CTNNA3: variants seen among roughly 807,000 people sequenced by gnomAD.
CTNNA3 encodes the protein catenin alpha 3.
In CTNNA3, 76 loss-of-function variants were observed where a neutral mutation model predicts 95.7. That is an observed-to-expected ratio of 0.79 (90% CI 0.66 to 0.96). CTNNA3 has a LOEUF of 0.96. Ranked by LOEUF, CTNNA3 falls within the 40% of genes least tolerant of loss-of-function variation. The pLI, the probability that CTNNA3 is intolerant of heterozygous loss-of-function variation, is 0.00. For missense variants in CTNNA3, 1,191 were observed against 1,089.8 expected (o/e 1.09, Z -1.31); for synonymous variants, 431 against 374.4 (o/e 1.15, Z -1.74).
intron 10 of CTNNA3, among the ~76,000 whole-genome samples, chr10:66,568,870 G>T (rs1314151982): frequency 1.3e-5 from 2 of 151,960 alleles, no homozygotes; most frequent in East Asian, 3.9e-4. Flanking sequence ...AACCTGGGAA[G>T]CGAAGTCTGC....
intron 7 of CTNNA3, among the ~76,000 whole-genome samples, chr10:67,116,553 T>G (rs1478304197): frequency 6.6e-6 from 1 of 151,618 alleles, no homozygotes; most frequent in Non-Finnish European, 1.5e-5. Context: ...AGCTCAGATA[T>G]CTGTGAGGGA....
chr10:66,506,667 T>C (rs1840460616), intron 11 of CTNNA3, among the ~76,000 whole-genome samples: 1 of 152,180 alleles, frequency 6.6e-6, no homozygotes, highest in African/African-American at 2.4e-5. Flanking sequence ...TTTTTCTTCA[T>C]TGTATTTTCT....
chr10:66,512,969 C>T (rs1564502492), intron 11 of CTNNA3, among the ~76,000 whole-genome samples: 1 of 151,806 alleles, frequency 6.6e-6, no homozygotes, highest in African/African-American at 2.4e-5. Context: ...ATTTGACTAT[C>T]ATGTGCCTCA....
intron 1 of CTNNA3, among the ~76,000 whole-genome samples, chr10:67,685,853 T>C (rs971744183): frequency 5.3e-5 from 8 of 152,104 alleles, no homozygotes. Context: ...TGACTTTCTG[T>C]CTCTCTGTAT....
At chr10:66,239,138 GT>G (rs1270637775) in intron 13 of CTNNA3, among the ~76,000 whole-genome samples, 1 of 151,594 alleles carries the variant, frequency 6.6e-6, no homozygotes, top group Non-Finnish European at 1.5e-5. Flanking sequence ...AAACATGGTA[GT>G]TTTCAATAAT....
intron 3 of CTNNA3, among the ~76,000 whole-genome samples, chr10:67,564,677 G>GTGTGTA (rs1488656262): frequency 1.5e-3 from 94 of 61,294 alleles, no homozygotes; most frequent in African/African-American, 5.2e-3. Context: ...GTGTGTGTGT[G>GTGTGTA]TATATATATA....
At chr10:66,144,267 T>C (rs546212576) in intron 13 of CTNNA3, among the ~76,000 whole-genome samples, 61 of 152,326 alleles carry the variant, frequency 4.0e-4, no homozygotes, top group Admixed American at 7.2e-4. Flanking sequence ...TTATGTTTTG[T>C]TTCCATGGTT....
At chr10:66,019,587 C>T (rs1299540898) in intron 15 of CTNNA3, among the ~76,000 whole-genome samples, 1 of 151,804 alleles carries the variant, frequency 6.6e-6, no homozygotes. Flanking sequence ...AAATCTGTTG[C>T]TGAAATACTT....
At chr10:66,473,532 ATACTTT>A (rs1294360522) in intron 11 of CTNNA3, among the ~76,000 whole-genome samples, 5 of 151,782 alleles carry the variant, frequency 3.3e-5, no homozygotes, top group Non-Finnish European at 7.4e-5. Flanking sequence ...TTTTATTATT[ATACTTT>A]AAGTTTTAGG....
At chr10:66,886,575 T>C (rs1342812482) in intron 7 of CTNNA3, among the ~76,000 whole-genome samples, 1 of 152,164 alleles carries the variant, frequency 6.6e-6, no homozygotes, top group African/African-American at 2.4e-5. Context: ...TCCATCGACA[T>C]GTTATGAATT....
chr10:67,357,731 C>T (rs1842863193), intron 5 of CTNNA3, among the ~76,000 whole-genome samples: 1 of 151,794 alleles, frequency 6.6e-6, no homozygotes, highest in African/African-American at 2.4e-5. Flanking sequence ...AAATAGTAAG[C>T]ATGCAAGAAT....
intron 9 of CTNNA3, among the ~76,000 whole-genome samples, chr10:66,660,500 T>A (rs1039516733): frequency 2.6e-5 from 4 of 152,214 alleles, no homozygotes; most frequent in African/African-American, 9.6e-5. Flanking sequence ...GTTATGGGAT[T>A]GAGCCTTGCA....
At chr10:66,918,970 C>T (rs1362315609) in intron 7 of CTNNA3, among the ~76,000 whole-genome samples, 1 of 151,666 alleles carries the variant, frequency 6.6e-6, no homozygotes, top group Non-Finnish European at 1.5e-5. Flanking sequence ...CCTGTCTCTA[C>T]TAAAAATACA....
intron 7 of CTNNA3, among the ~76,000 whole-genome samples, chr10:67,109,454 T>A (rs1439849205): frequency 6.6e-6 from 1 of 152,240 alleles, no homozygotes; most frequent in Admixed American, 6.5e-5. Context: ...ACTTTTTAAT[T>A]TAAATTTTCA....
intron 7 of CTNNA3, among the ~76,000 whole-genome samples, chr10:66,933,015 G>A (rs903489875): frequency 2.6e-5 from 4 of 152,162 alleles, no homozygotes; most frequent in Non-Finnish European, 5.9e-5. Context: ...ACACAGATGT[G>A]TACTATTGAC....
intron 5 of CTNNA3, among the ~76,000 whole-genome samples, chr10:67,503,403 G>C (rs546793322): frequency 6.6e-6 from 1 of 152,260 alleles, no homozygotes; most frequent in African/African-American, 2.4e-5. Context: ...GACCACAGCT[G>C]TTCCTATTCG....
intron 13 of CTNNA3, among the ~76,000 whole-genome samples, chr10:66,160,125 C>T (rs2084764493): frequency 6.6e-6 from 1 of 151,756 alleles, no homozygotes; most frequent in Non-Finnish European, 1.5e-5. Flanking sequence ...TTTCAAAGGA[C>T]CCGTTTTTTG....
At chr10:67,619,489 G>T (rs969693839) in intron 2 of CTNNA3, among the ~76,000 whole-genome samples, 8 of 152,162 alleles carry the variant, frequency 5.3e-5, no homozygotes, top group African/African-American at 1.9e-4. Context: ...AGATTTAAAT[G>T]TAAGACCAAA....
intron 7 of CTNNA3, among the ~76,000 whole-genome samples, chr10:67,110,682 T>G (rs1858873438): frequency 6.6e-6 from 1 of 152,172 alleles, no homozygotes; most frequent in Admixed American, 6.5e-5. Context: ...TTAAAACATC[T>G]GCATAATTAA....
Sources: gnomAD v4.1 joint callset for allele counts (sites outside exome capture counted in the v4.1 genomes callset) on GRCh38, gnomAD v4.1.1 for gene constraint, MANE v1.5 for transcripts, NCBI Gene and HGNC (gene_info 2026-07-23, HGNC 2026-07-21) for gene names.